EFR3B: variants seen among roughly 807,000 people sequenced by gnomAD.
EFR3B encodes the protein protein EFR3 homolog B.
A neutral mutation model predicts 104.7 loss-of-function variants in EFR3B; 64 were observed. The observed-to-expected ratio is 0.61, with a 90% confidence interval of 0.50 to 0.75. The LOEUF (loss-of-function observed/expected upper bound fraction) is 0.75, where lower values mean the gene tolerates loss of function less well. Ranked by LOEUF, EFR3B falls within the 30% of genes least tolerant of loss-of-function variation. The pLI is 0.00. For missense variants in EFR3B, 750 were observed against 1,078.5 expected, an observed-to-expected ratio of 0.70 and a Z score of 4.27; for synonymous variants, 385 against 417.9, an observed-to-expected ratio of 0.92 and a Z score of 0.96.
intron 1 of EFR3B, among the ~76,000 whole-genome samples, chr2:25,047,056 T>A (rs1320693210): frequency 6.6e-6 from 1 of 152,270 alleles, no homozygotes; most frequent in African/African-American, 2.4e-5. Context: ...TCTCTCTTGC[T>A]GCTCACAGTT....
At chr2:25,135,394 C>A in intron 12 of EFR3B, 73 bp from the exon 13 acceptor site, 1 of 1,515,626 alleles carries the variant, frequency 6.6e-7, no homozygotes, top group Non-Finnish European at 8.9e-7. Context: ...CTTCCTCTGG[C>A]TGCTCCTCCA....
At chr2:25,115,153 C>T (rs767528600) in intron 4 of EFR3B, among the ~76,000 whole-genome samples, 7 of 152,118 alleles carry the variant, frequency 4.6e-5, no homozygotes, top group Non-Finnish European at 7.3e-5. Flanking sequence ...TGCACTCCAG[C>T]CTGGGCGACA....
At chr2:25,047,733 A>G (rs1266732601) in intron 1 of EFR3B, among the ~76,000 whole-genome samples, 1 of 152,102 alleles carries the variant, frequency 6.6e-6, no homozygotes, top group Non-Finnish European at 1.5e-5. Flanking sequence ...TCCTGACCTC[A>G]CACTGATACG....
intron 1 of EFR3B, chr2:25,080,281 AG>A: frequency 4.8e-6 from 2 of 412,564 alleles, no homozygotes; most frequent in African/African-American, 6.0e-5. Flanking sequence ...CCCTCCCCAA[AG>A]CTTTTTTTTT....
chr2:25,118,690 G>A (rs1051316680), intron 4 of EFR3B, among the ~76,000 whole-genome samples: 1 of 113,992 alleles, frequency 8.8e-6, no homozygotes, highest in African/African-American at 3.4e-5. Context: ...AGGAGTTTGA[G>A]ACCAGCCTGG....
intron 1 of EFR3B, among the ~76,000 whole-genome samples, chr2:25,049,427 A>G (rs1191794815): frequency 3.3e-5 from 5 of 152,256 alleles, no homozygotes; most frequent in African/African-American, 9.6e-5. Context: ...AGAGGCCATC[A>G]TGAGGGATAG....
chr2:25,061,403 G>A (rs1343130788), intron 1 of EFR3B, among the ~76,000 whole-genome samples: 1 of 146,920 alleles, frequency 6.8e-6, no homozygotes, highest in Non-Finnish European at 1.5e-5. Flanking sequence ...GGGATGCACC[G>A]TGCCCAACCT....
intron 16 of EFR3B, among the ~76,000 whole-genome samples, chr2:25,139,617 C>T (rs1313562650): frequency 1.3e-5 from 2 of 152,130 alleles, no homozygotes; most frequent in East Asian, 1.9e-4. Flanking sequence ...TATCAAATAC[C>T]GCAAAGGTGG....
intron 6 of EFR3B, among the ~76,000 whole-genome samples, chr2:25,129,028 C>A (rs993360024): frequency 1.4e-5 from 2 of 139,438 alleles, no homozygotes; most frequent in African/African-American, 2.6e-5. Flanking sequence ...CCGATCACTG[C>A]GGACTTTCCA....
Position 25,121,665 on chromosome 2 carries a change from C to T in EFR3B, c.364-8C>T, listed in dbSNP as rs1374337903. The T allele has an allele frequency of 6.4e-7, 1 of 1,551,670 alleles. No individual in the cohort carries two copies. On this transcript the variant is annotated splice_region_variant and splice_polypyrimidine_tract_variant and intron_variant, in intron 4 of 22. Transcript: ENST00000403714. ...CTCTCGTGTGTTTCTCTCCTTCCTC[C>T]CTGATAGTTTGTGAAGTTTGCCAAC...
intron 20 of EFR3B, among the ~76,000 whole-genome samples, chr2:25,150,328 GT>G (rs1165798752): frequency 6.7e-6 from 1 of 148,582 alleles, no homozygotes; most frequent in Non-Finnish European, 1.5e-5. Flanking sequence ...AAGGCAATCA[GT>G]TGATGGCTAT....
chr2:25,104,936 C>G (rs1173084598), intron 4 of EFR3B, among the ~76,000 whole-genome samples: 1 of 151,174 alleles, frequency 6.6e-6, no homozygotes. Flanking sequence ...CTCCCTGCTT[C>G]TTGTGTGCAT....
rs138910770 is a variant in EFR3B, at chr2:25,122,980, C to T, written c.485+1186C>T. On this transcript the variant is annotated intron_variant, in intron 5 of 22. Transcript: ENST00000403714. ...GACAAGCATCTTGCCTTACGGGATA[C>T]GCTTTTACATACACATACTCCAATT... is the stretch of plus-strand genomic sequence containing the variant. Among the ~76,000 whole-genome samples, 42 of 152,232 alleles carry T rather than the reference C, an allele frequency of 2.8e-4. No homozygotes were observed. The East Asian group carries it at 3.7e-3, about 13-fold the overall frequency.
In EFR3B at chr2:25,156,233, A is replaced by G. The variant is rs180994329; in HGVS notation, c.*1893A>G. The G allele has an allele frequency of 1.3e-5, 2 of 150,860 alleles. No individual in the cohort carries two copies. Among genetic ancestry groups the G allele is most frequent in the African/African-American group, 4.9e-5 (2 of 40,946 alleles). 9.3% of individuals were successfully genotyped at this position (150,860 alleles called of 1,614,324 possible). On this transcript the variant is annotated 3_prime_UTR_variant, in exon 23 of 23. Transcript: ENST00000403714. The stretch of plus-strand genomic sequence containing the variant: ...CATTCCCATAGTTTTGGCACTTCAA[A>G]TGAAGCTCTTCCTTGTGGTCACCAT...
chr2:25,064,428 G>A (rs560815353), intron 1 of EFR3B, among the ~76,000 whole-genome samples: 3 of 152,336 alleles, frequency 2.0e-5, no homozygotes, highest in Non-Finnish European at 4.4e-5. Context: ...AAAGCTGAAG[G>A]TGAGTAACCC....
chr2:25,089,306 G>A (rs1354609547), intron 1 of EFR3B, among the ~76,000 whole-genome samples: 1 of 152,130 alleles, frequency 6.6e-6, no homozygotes, highest in Admixed American at 6.5e-5. Flanking sequence ...ATGGTATTGA[G>A]CTCTCTCCTT....
chr2:25,065,721 G>C (rs6545921), intron 1 of EFR3B, among the ~76,000 whole-genome samples: 152,019 of 152,250 alleles, frequency 1, 75,896 homozygotes, highest in Middle Eastern at 1. Flanking sequence ...TTTTTCTTCT[G>C]GAAATTCACC....
Position 25,103,776 on chromosome 2 carries a change from G to T in EFR3B, c.352G>T (p.Gly118Cys). ...ESEKPNLQIL[G>C]TNSFVKFANI... is the part of the protein sequence containing the mutation. ...AGAGAAACCCAACCTGCAGATCCTC[G>T]GCACCAACTCGGTAAGGAGCGGCCC... The change falls in exon 4 of 23, where the codon GGC becomes TGC. Residue 118 changes from glycine to cysteine, a missense_variant. Gly to Cys is a radical substitution (Grantham distance 159, BLOSUM62 -3). Transcript: ENST00000403714. 6.4e-7 allele frequency: 1 copy of T among 1,551,392 alleles called. No individual in the cohort carries two copies. The highest frequency in any genetic ancestry group is 2.0e-5 in the Admixed American group (1 of 50,974).
At chr2:25,082,636 A>T (rs1668840743) in intron 1 of EFR3B, among the ~76,000 whole-genome samples, 1 of 152,158 alleles carries the variant, frequency 6.6e-6, no homozygotes, top group Non-Finnish European at 1.5e-5. Flanking sequence ...TTTCTGCTCG[A>T]TCACACTGTC....
Sources: allele counts gnomAD v4.1 joint callset (sites outside exome capture counted in the v4.1 genomes callset), GRCh38; gene constraint gnomAD v4.1.1; transcripts MANE v1.5; gene names NCBI Gene and HGNC (gene_info 2026-07-23, HGNC 2026-07-21).